Variants in NBDY observed in about 807,000 individuals in gnomAD.
NBDY encodes the protein negative regulator of P-body association, also known as P-body dissociating protein.
intron 2 of NBDY, among the ~76,000 whole-genome samples, chrX:56,747,763 C>T (rs1389414667): frequency 4.5e-5 from 5 of 111,349 alleles, no homozygotes; most frequent in South Asian, 3.8e-4. Context: ...ATGAAAATCC[C>T]GACAAAAAGT....
chrX:56,749,890 G>T (rs898855099), intron 2 of NBDY, among the ~76,000 whole-genome samples: 3 of 111,097 alleles, frequency 2.7e-5, no homozygotes, highest in African/African-American at 9.8e-5. Flanking sequence ...GAGCTTAAGT[G>T]ATTGTCCGAT....
At chrX:56,782,872 C>G (rs2069702608) in intron 2 of NBDY, among the ~76,000 whole-genome samples, 1 of 111,746 alleles carries the variant, frequency 8.9e-6, no homozygotes, top group Non-Finnish European at 1.9e-5. Context: ...AAGGGACCCC[C>G]CAATCAGAAA....
At chrX:56,765,796 C>G (rs1156944560) in intron 2 of NBDY, among the ~76,000 whole-genome samples, 3 of 110,260 alleles carry the variant, frequency 2.7e-5, no homozygotes, top group African/African-American at 9.9e-5. Context: ...TCCTCCCCCT[C>G]CCCCTGCACT....
chrX:56,789,815 C>T (rs1349196009), intron 2 of NBDY, among the ~76,000 whole-genome samples: 1 of 111,577 alleles, frequency 9.0e-6, no homozygotes, highest in African/African-American at 3.3e-5. Context: ...CGTGGTGGTT[C>T]ACCAGTTATT....
intron 2 of NBDY, among the ~76,000 whole-genome samples, chrX:56,751,045 T>G (rs930220584): frequency 4.5e-5 from 5 of 111,787 alleles, no homozygotes; most frequent in African/African-American, 1.6e-4. Context: ...AGTCTTAGCA[T>G]GACCTAAAAG....
At chrX:56,738,992 A>C (rs1262463901) in intron 2 of NBDY, among the ~76,000 whole-genome samples, 1 of 108,440 alleles carries the variant, frequency 9.2e-6, no homozygotes, top group Non-Finnish European at 1.9e-5. Context: ...GGTATGGGGC[A>C]GGACTCTTTC....
intron 2 of NBDY, among the ~76,000 whole-genome samples, chrX:56,758,004 C>T (rs940820916): frequency 9.0e-6 from 1 of 111,337 alleles, no homozygotes; most frequent in Admixed American, 9.5e-5. Flanking sequence ...AGGCAGCACA[C>T]TCCCTCCTGG....
chrX:56,751,946 CAT>C (rs2069587842), intron 2 of NBDY, among the ~76,000 whole-genome samples: 1 of 111,896 alleles, frequency 8.9e-6, no homozygotes. Context: ...TAAGTGAGAA[CAT>C]GTGGTATTAG....
intron 2 of NBDY, among the ~76,000 whole-genome samples, chrX:56,743,573 G>T: frequency 9.0e-6 from 1 of 110,737 alleles, no homozygotes; most frequent in Non-Finnish European, 1.9e-5. Flanking sequence ...GCATATAGTT[G>T]CTCATAGTTG....
chrX:56,753,065 G>A (rs1460553918), intron 2 of NBDY, among the ~76,000 whole-genome samples: 1 of 112,467 alleles, frequency 8.9e-6, no homozygotes, highest in Non-Finnish European at 1.9e-5. Context: ...GATCTTAAAC[G>A]TTTCCAAGAA....
chrX:56,765,242 C>G (rs1165317099), intron 2 of NBDY, among the ~76,000 whole-genome samples: 1 of 111,922 alleles, frequency 8.9e-6, no homozygotes, highest in Non-Finnish European at 1.9e-5. Context: ...TCTGCCCTGT[C>G]TCCATATTGC....
intron 2 of NBDY, among the ~76,000 whole-genome samples, chrX:56,758,642 G>A (rs2069623106): frequency 1.8e-5 from 2 of 111,942 alleles, no homozygotes; most frequent in African/African-American, 3.3e-5. Context: ...CCGGCATCTT[G>A]GTCATTCTGC....
chrX:56,730,174 G>A (rs1247921943), intron 1 of NBDY, among the ~76,000 whole-genome samples: 1 of 109,351 alleles, frequency 9.1e-6, no homozygotes, highest in Non-Finnish European at 1.9e-5. Context: ...AGGAAGGGTG[G>A]AGGATGGACC....
intron 2 of NBDY, among the ~76,000 whole-genome samples, chrX:56,816,819 G>A (rs2069912826): frequency 9.0e-6 from 1 of 110,988 alleles, no homozygotes; most frequent in Admixed American, 9.7e-5. Context: ...TAAAAGTTTA[G>A]CAGTAAGAAG....
At chrX:56,738,369 G>A (rs183748954) in intron 2 of NBDY, among the ~76,000 whole-genome samples, 1 of 111,960 alleles carries the variant, frequency 8.9e-6, no homozygotes, top group East Asian at 2.8e-4. Flanking sequence ...TCACCGACAG[G>A]CAAGTAAACA....
intron 2 of NBDY, among the ~76,000 whole-genome samples, chrX:56,764,941 A>G (rs1297039629): frequency 8.9e-6 from 1 of 112,274 alleles, no homozygotes; most frequent in Non-Finnish European, 1.9e-5. Context: ...GTGAGGCCAC[A>G]AGAGGCCACT....
chrX:56,758,316 G>GA (rs757268190), intron 2 of NBDY, among the ~76,000 whole-genome samples: 827 of 81,342 alleles, frequency 0.01, 11 homozygotes, highest in African/African-American at 0.038. Flanking sequence ...ACTCTGTCTC[G>GA]AAAAAAAAAA....
At chrX:56,765,781 ACTC>A (rs1349065369) in intron 2 of NBDY, among the ~76,000 whole-genome samples, 1 of 79,276 alleles carries the variant, frequency 1.3e-5, no homozygotes, top group African/African-American at 4.9e-5. Context: ...TCCTCCTTCT[ACTC>A]CTCCTCCCCC....
At chrX:56,737,438 GCTT>G in intron 2 of NBDY, 1 of 686,395 alleles carries the variant, frequency 1.5e-6, no homozygotes, top group Non-Finnish European at 2.3e-6. Flanking sequence ...CCTTCTTATG[GCTT>G]CTTTTATGTC....
Sources: gnomAD v4.1 joint callset for allele counts (sites outside exome capture counted in the v4.1 genomes callset) on GRCh38, gnomAD v4.1.1 for gene constraint, MANE v1.5 for transcripts, NCBI Gene and HGNC (gene_info 2026-07-23, HGNC 2026-07-21) for gene names.